The following QTMAN variants were observed in gnomAD, a reference collection of about 807,000 sequenced individuals.
QTMAN encodes tRNA-queuosine alpha-mannosyltransferase.
the QTMAN span, chr2:144,141,988 T>A: frequency 6.2e-7 from 1 of 1,610,852 alleles, no homozygotes; most frequent in Non-Finnish European, 8.5e-7. Flanking sequence ...TTCATAAATT[T>A]TCCCATGGAA....
At chr2:144,010,724 A>G in the QTMAN span, among the ~76,000 whole-genome samples, 1 of 152,100 alleles carries the variant, frequency 6.6e-6, no homozygotes, top group African/African-American at 2.4e-5. Flanking sequence ...AAGGCAATGG[A>G]AGAATTGATT....
At chr2:143,966,512 T>G in the QTMAN span, among the ~76,000 whole-genome samples, 1 of 152,166 alleles carries the variant, frequency 6.6e-6, no homozygotes, top group African/African-American at 2.4e-5. Context: ...AAAACATTTA[T>G]TGAAAAAATG....
chr2:144,268,132 T>C, the QTMAN span, among the ~76,000 whole-genome samples: 1 of 152,212 alleles, frequency 6.6e-6, no homozygotes. Context: ...CTCATGGTAA[T>C]GAGTGAGTTC....
At chr2:144,199,813 A>G in the QTMAN span, among the ~76,000 whole-genome samples, 2 of 152,318 alleles carry the variant, frequency 1.3e-5, no homozygotes, top group East Asian at 3.9e-4. Flanking sequence ...AAAACTTAGG[A>G]ACAGATAAAT....
At chr2:143,987,535 T>C in the QTMAN span, among the ~76,000 whole-genome samples, 1 of 152,234 alleles carries the variant, frequency 6.6e-6, no homozygotes, top group Admixed American at 6.5e-5. Context: ...ACTTATTATG[T>C]TGTACTGCAA....
the QTMAN span, among the ~76,000 whole-genome samples, chr2:143,991,375 A>C: frequency 6.6e-6 from 1 of 152,096 alleles, no homozygotes; most frequent in East Asian, 1.9e-4. Context: ...TTTTTAAATA[A>C]CTTCTCGGTG....
chr2:144,319,162 C>A, the QTMAN span, among the ~76,000 whole-genome samples: 4 of 152,194 alleles, frequency 2.6e-5, no homozygotes, highest in East Asian at 7.7e-4. Flanking sequence ...ACACTAACAC[C>A]ATACAGTGTG....
chr2:144,077,050 C>CA, the QTMAN span, among the ~76,000 whole-genome samples: 328 of 134,050 alleles, frequency 2.4e-3, no homozygotes, highest in South Asian at 5.5e-3. Flanking sequence ...TTCAAAAAGC[C>CA]AAAAAAAAAA....
chr2:144,040,554 A>G, the QTMAN span, among the ~76,000 whole-genome samples: 1 of 152,138 alleles, frequency 6.6e-6, no homozygotes, highest in Non-Finnish European at 1.5e-5. Flanking sequence ...ATACGTCGCT[A>G]AGACCCTAAA....
the QTMAN span, among the ~76,000 whole-genome samples, chr2:144,163,685 G>C: frequency 6.6e-6 from 1 of 152,132 alleles, no homozygotes; most frequent in Non-Finnish European, 1.5e-5. Flanking sequence ...TGGTTTTAAA[G>C]GGCAAAAAAT....
At chr2:144,015,927 T>G in the QTMAN span, among the ~76,000 whole-genome samples, 1 of 152,172 alleles carries the variant, frequency 6.6e-6, no homozygotes, top group Admixed American at 6.5e-5. Context: ...CTTGTAAATT[T>G]CTTGAGAGCA....
the QTMAN span, among the ~76,000 whole-genome samples, chr2:144,246,598 A>C: frequency 1.3e-4 from 19 of 149,078 alleles, no homozygotes; most frequent in Middle Eastern, 0.01. Flanking sequence ...AAAAAAAAAA[A>C]AAAAGAAAAG....
chr2:144,277,086 T>A, the QTMAN span, among the ~76,000 whole-genome samples: 2 of 152,064 alleles, frequency 1.3e-5, no homozygotes, highest in African/African-American at 4.8e-5. Context: ...AGACAATAGG[T>A]GCCCACTAGC....
At chr2:144,326,544 G>A in the QTMAN span, among the ~76,000 whole-genome samples, 7 of 136,208 alleles carry the variant, frequency 5.1e-5, no homozygotes, top group South Asian at 2.3e-4. Flanking sequence ...CCGAGATTGC[G>A]CCACTGCACT....
chr2:144,142,699 C>G, the QTMAN span, among the ~76,000 whole-genome samples: 845 of 151,842 alleles, frequency 5.6e-3, 3 homozygotes, highest in Non-Finnish European at 9.3e-3. Context: ...ATTGGGCTAG[C>G]CAGAGAAATA....
the QTMAN span, among the ~76,000 whole-genome samples, chr2:144,277,499 A>G: frequency 4.1e-3 from 622 of 152,322 alleles, 1 homozygote; most frequent in Non-Finnish European, 6.6e-3. Context: ...CCTGACAGGA[A>G]TGCTGTATCC....
the QTMAN span, among the ~76,000 whole-genome samples, chr2:144,224,388 C>T: frequency 1.2e-4 from 18 of 152,286 alleles, no homozygotes; most frequent in South Asian, 3.3e-3. Flanking sequence ...TAAGTGTCTG[C>T]TCATCATTGT....
chr2:144,314,264 T>C, the QTMAN span, among the ~76,000 whole-genome samples: 2 of 152,092 alleles, frequency 1.3e-5, no homozygotes, highest in African/African-American at 2.4e-5. Flanking sequence ...TCAAAAACAT[T>C]ATGTTGAGGA....
At chr2:144,282,897 A>G in the QTMAN span, among the ~76,000 whole-genome samples, 1 of 152,112 alleles carries the variant, frequency 6.6e-6, no homozygotes, top group African/African-American at 2.4e-5. Context: ...TACCTGATGA[A>G]GCCTCCAGAA....
Sources: allele counts gnomAD v4.1 joint callset (sites outside exome capture counted in the v4.1 genomes callset), GRCh38; gene constraint gnomAD v4.1.1; transcripts MANE v1.5; gene names NCBI Gene and HGNC (gene_info 2026-07-23, HGNC 2026-07-21).